The following MARK4 variants were observed in gnomAD, a reference collection of about 807,000 sequenced individuals.
The protein encoded by MARK4 is microtubule affinity regulating kinase 4, also known as MAP/microtubule affinity-regulating kinase 4.
MARK4 carries 19 observed loss-of-function variants against 81.5 expected under a neutral mutation model. The observed-to-expected ratio is 0.23, with a 90% confidence interval of 0.16 to 0.34. MARK4 has a LOEUF of 0.34. Ranked by LOEUF, MARK4 falls within the 10% of genes least tolerant of loss-of-function variation. The pLI, the probability that MARK4 is intolerant of heterozygous loss-of-function variation, is 1.00. For synonymous variants in MARK4, 436 were observed against 439.0 expected (o/e 0.99, Z 0.08); for missense variants, 772 against 1,058.8 (o/e 0.73, Z 3.76).
chr19:45,261,508 A>G (rs1970380274), intron 2 of MARK4, among the ~76,000 whole-genome samples: 1 of 152,250 alleles, frequency 6.6e-6, no homozygotes, highest in Non-Finnish European at 1.5e-5. Flanking sequence ...TTAAAAACAC[A>G]TTCGTGAGAA....
intron 13 of MARK4, among the ~76,000 whole-genome samples, chr19:45,289,822 C>G (rs1404583858): frequency 6.6e-6 from 1 of 151,874 alleles, no homozygotes; most frequent in Non-Finnish European, 1.5e-5. Context: ...TTTAGTCAGA[C>G]ATGGTGGCTC....
At chr19:45,291,091 C>G (rs555309533) in intron 13 of MARK4, among the ~76,000 whole-genome samples, 1 of 152,134 alleles carries the variant, frequency 6.6e-6, no homozygotes, top group East Asian at 1.9e-4. Context: ...TCCCCAGCCC[C>G]GAGACCTGGA....
intron 16 of MARK4, among the ~76,000 whole-genome samples, chr19:45,300,340 G>A (rs1298761108): frequency 2.5e-4 from 5 of 19,882 alleles, no homozygotes; most frequent in Non-Finnish European, 4.3e-4. Flanking sequence ...GTGAAACTCC[G>A]TCTGAAAAAA....
chr19:45,256,500 G>A (rs1970309584), intron 1 of MARK4, among the ~76,000 whole-genome samples: 2 of 152,176 alleles, frequency 1.3e-5, no homozygotes, highest in Non-Finnish European at 2.9e-5. Flanking sequence ...AACAGTGATT[G>A]GAATCAAATG....
Position 45,294,465 on chromosome 19 carries a change from C to T in MARK4, c.1598+13C>T, listed in dbSNP as rs750170920. 46 of 1,610,480 alleles carry T rather than the reference C, an allele frequency of 2.9e-5. 1 individual carries two copies. The South Asian group carries it at 5.1e-4, about 18-fold the overall frequency. Reference sequence around the variant, plus strand: ...GGAAAGAAAACAGGTACGGAGGGGGCAGCAACAGGGTGAGGGGTGGGAAGT... The same window carrying T: ...GGAAAGAAAACAGGTACGGAGGGGGTAGCAACAGGGTGAGGGGTGGGAAGT... On this transcript the variant is annotated intron_variant, in intron 14 of 16. Coordinates refer to ENST00000262891, the MANE Select transcript of MARK4 (RefSeq NM_001199867.2).
intron 8 of MARK4, among the ~76,000 whole-genome samples, chr19:45,273,921 A>G (rs551769251): frequency 1.3e-5 from 2 of 152,362 alleles, no homozygotes; most frequent in East Asian, 1.9e-4. Context: ...TCTAAGCCTC[A>G]GTCTCACCTG....
rs371332240 is a variant in MARK4 at position 45,266,390 on chromosome 19, C to G, written c.549+109C>G. The stretch of plus-strand genomic sequence containing the variant: ...TGGCCTCCAGCAAATTCCTCCAGCC[C>G]TTTTCTCCTCCTGCTCTTCCCTCCA... On this transcript the variant is annotated intron_variant, in intron 7 of 16. Transcript: ENST00000262891. 2.3e-4 allele frequency: 230 copies of G among 1,020,504 alleles called. 3 individuals carry two copies. The East Asian group carries it at 2.6e-3, about 12-fold the overall frequency. 63.2% of individuals were successfully genotyped at this position (1,020,504 alleles called of 1,614,324 possible).
At chr19:45,265,734 G>A (rs1970444876) in intron 6 of MARK4, among the ~76,000 whole-genome samples, 1 of 145,764 alleles carries the variant, frequency 6.9e-6, no homozygotes, top group African/African-American at 2.6e-5. Context: ...ATGTGCGTGT[G>A]TGAGGGTGCC....
intron 4 of MARK4, 115 bp from the exon 5 acceptor site, chr19:45,264,569 T>G: frequency 2.2e-6 from 2 of 916,086 alleles, no homozygotes; most frequent in Non-Finnish European, 3.5e-6. Flanking sequence ...TAGGGAGCCA[T>G]TGAGTGTTGA....
At chr19:45,276,167 C>A (rs1428956634) in intron 8 of MARK4, among the ~76,000 whole-genome samples, 3 of 152,172 alleles carry the variant, frequency 2.0e-5, no homozygotes, top group Non-Finnish European at 2.9e-5. Context: ...GCTGGGACCA[C>A]AGGCATGTGC....
chr19:45,297,903 C>T lies in MARK4; in HGVS notation c.1826C>T (p.Pro609Leu), dbSNP rs781125990. The change falls in exon 15 of 17, where the codon CCC becomes CTC. Residue 609 changes from proline (P) to leucine (L), a missense_variant. Pro to Leu is a moderately conservative substitution (Grantham distance 98). This residue lies in a region of MARK4 where 548 missense variants were observed against 624.3 expected (regional missense o/e 0.88). Coordinates refer to ENST00000262891, the MANE Select transcript of MARK4 (RefSeq NM_001199867.2). ...GCTGCACCCCTGCCCGCCGGGCGGCCCCGCCCCACCACCAACCTCTTCACC... is the reference window on the plus strand; with the variant it reads ...GCTGCACCCCTGCCCGCCGGGCGGCTCCGCCCCACCACCAACCTCTTCACC... ...HEAAPLPAGR[P>L]RPTTNLFTKL... 4 of 1,550,112 alleles carry T rather than the reference C, an allele frequency of 2.6e-6. No individual in the cohort carries two copies. Among genetic ancestry groups the T allele is most frequent in the African/African-American group, 1.4e-5 (1 of 73,146 alleles).
intron 8 of MARK4, among the ~76,000 whole-genome samples, chr19:45,276,200 T>C (rs1255984985): frequency 6.6e-6 from 1 of 152,096 alleles, no homozygotes; most frequent in Non-Finnish European, 1.5e-5. Context: ...CTAATTTTTG[T>C]ATTTTTTGTA....
In MARK4 at chr19:45,265,889, A is replaced by G. The variant is rs1397490605; in HGVS notation, c.493-336A>G. ...TTTCTGCCTTGACGCTGCTGTCCTG[A>G]ACTCAAGGGCCATAAGCCCTGGTGA... is the stretch of plus-strand genomic sequence containing the variant. On this transcript the variant is annotated intron_variant, in intron 6 of 16. Coordinates refer to ENST00000262891, the MANE Select transcript of MARK4 (RefSeq NM_001199867.2). Among the ~76,000 whole-genome samples, 37 of 152,004 alleles carry G rather than the reference A, an allele frequency of 2.4e-4. No individual in the cohort carries two copies. The South Asian group carries it at 6.8e-3, about 28-fold the overall frequency.
intron 7 of MARK4, among the ~76,000 whole-genome samples, chr19:45,270,848 G>A (rs139484536): frequency 0.012 from 1,888 of 152,242 alleles, 33 homozygotes; most frequent in African/African-American, 0.044. Context: ...TCGGCTCACC[G>A]CAACCTCCAC....
At chr19:45,274,084 C>A (rs1433762758) in intron 8 of MARK4, among the ~76,000 whole-genome samples, 2 of 151,686 alleles carry the variant, frequency 1.3e-5, no homozygotes, top group East Asian at 3.9e-4. Flanking sequence ...CCCGTCTCTT[C>A]TAAAAATACA....
chr19:45,269,545 G>C (rs1970498421), intron 7 of MARK4, among the ~76,000 whole-genome samples: 1 of 152,134 alleles, frequency 6.6e-6, no homozygotes, highest in East Asian at 1.9e-4. Context: ...GGAGACCTGG[G>C]AGGAAGCCAG....
chr19:45,261,761 C>T (rs984998926), intron 2 of MARK4, among the ~76,000 whole-genome samples: 7 of 152,098 alleles, frequency 4.6e-5, no homozygotes, highest in African/African-American at 1.7e-4. Context: ...TGGAGAAACC[C>T]CGTCTCTACT....
chr19:45,298,043 CCAA>C, intron 15 of MARK4, 89 bp downstream of exon 15: 1 of 1,552,764 alleles, frequency 6.4e-7, no homozygotes. Flanking sequence ...CTCCTGTACC[CCAA>C]CATTTCCTCT....
chr19:45,283,324 G>C (rs1970700769), intron 12 of MARK4, among the ~76,000 whole-genome samples: 1 of 149,172 alleles, frequency 6.7e-6, no homozygotes, highest in South Asian at 2.1e-4. Flanking sequence ...CAGGAGAATT[G>C]CTTGAACCTG....
Sources: allele counts gnomAD v4.1 joint callset (sites outside exome capture counted in the v4.1 genomes callset), GRCh38; gene constraint gnomAD v4.1.1; regional missense constraint gnomAD v4.1.1; transcripts MANE v1.5; gene names NCBI Gene and HGNC (gene_info 2026-07-23, HGNC 2026-07-21).